Variants in FOXK1 observed in about 807,000 individuals in gnomAD.
FOXK1 encodes forkhead box K1.
In FOXK1, 19 loss-of-function variants were observed where a neutral mutation model predicts 51.9. That is an observed-to-expected ratio of 0.37 (90% CI 0.26 to 0.54). The LOEUF is 0.54. Ranked by LOEUF, FOXK1 falls within the 20% of genes least tolerant of loss-of-function variation. The pLI, the probability that FOXK1 is intolerant of heterozygous loss-of-function variation, is 0.87. For missense variants in FOXK1, 870 were observed against 1,032.7 expected, an observed-to-expected ratio of 0.84 and a Z score of 2.16; for synonymous variants, 537 against 482.6, an observed-to-expected ratio of 1.11 and a Z score of -1.48.
chr7:4,725,621 G>C (rs186912027), intron 1 of FOXK1, among the ~76,000 whole-genome samples: 2 of 152,280 alleles, frequency 1.3e-5, no homozygotes, highest in South Asian at 2.1e-4. Context: ...TGCTCCGGGC[G>C]TGTGGCTGTG....
intron 1 of FOXK1, among the ~76,000 whole-genome samples, chr7:4,739,372 C>T (rs559648203): frequency 1.3e-5 from 2 of 152,368 alleles, no homozygotes; most frequent in South Asian, 4.1e-4. Flanking sequence ...TTCCTTATCT[C>T]TGTGTGGGCA....
chr7:4,753,008 G>A lies in FOXK1; in HGVS notation c.747-1451G>A, dbSNP rs886411281. Among the ~76,000 whole-genome samples, 1 of 152,168 alleles carries A rather than the reference G, an allele frequency of 6.6e-6. No individual in the cohort carries two copies. The highest frequency in any genetic ancestry group is 1.9e-4 in the East Asian group (1 of 5,188). On this transcript the variant is annotated intron_variant, in intron 2 of 8. Coordinates refer to ENST00000328914, the MANE Select transcript of FOXK1 (RefSeq NM_001037165.2). The surrounding 1 kb of genome is among the most constrained non-coding windows in gnomAD (Gnocchi z 4.9). ...TTTCCTTTTGACTGTTTCCTACCTC[G>A]ATCGAGCCATTTGTGGGTGTTCATT... is the stretch of plus-strand genomic sequence containing the variant.
In FOXK1 at chr7:4,753,919, C is replaced by T. The variant is rs1412655012; in HGVS notation, c.747-540C>T. Among the ~76,000 whole-genome samples, 1 of 152,180 alleles carries T rather than the reference C, an allele frequency of 6.6e-6. No homozygotes were observed. Among genetic ancestry groups the T allele is most frequent in the Non-Finnish European group, 1.5e-5 (1 of 68,026 alleles). ...CTCAGGGCAAAACTGCAGGGGTCAT[C>T]TCTTCCCGAGGGCGGTGTCTCCAGG... On this transcript the variant is annotated intron_variant, in intron 2 of 8. Transcript: ENST00000328914. The surrounding 1 kb of genome is among the most constrained non-coding windows in gnomAD (Gnocchi z 4.9).
rs1294258094 is a variant in FOXK1 at position 4,715,660 on chromosome 7, T to G, written c.561-25178T>G. Among the ~76,000 whole-genome samples the G allele has an allele frequency of 6.6e-6, 1 of 152,210 alleles. No homozygotes were observed. The highest frequency in any genetic ancestry group is 2.4e-5 in the African/African-American group (1 of 41,450). On this transcript the variant is annotated intron_variant, in intron 1 of 8. Transcript: ENST00000328914. The surrounding 1 kb of genome is among the most constrained non-coding windows in gnomAD (Gnocchi z 4.5). ...CGGCCATCCCTTTTGTTCCCTGCTGTGACTGACTGGCAGGAACCTGGGCTT... is the reference window on the plus strand; with the variant it reads ...CGGCCATCCCTTTTGTTCCCTGCTGGGACTGACTGGCAGGAACCTGGGCTT...
In FOXK1 at chr7:4,755,308, G is replaced by A; in HGVS notation, c.975G>A (p.Gln325=). ...CCATCTCCTCCGCCCAGGACCGGCA[G>A]CTGACCCTGAGCGGGATCTACGCCC... ...VQAISSAQDR[Q]LTLSGIYAHI... Residue 325 remains glutamine (Q), a synonymous_variant, in exon 4 of 9, where the codon CAG becomes CAA. Transcript: ENST00000328914. The surrounding 1 kb of genome is among the most constrained non-coding windows in gnomAD (Gnocchi z 6.6). 6.2e-7 allele frequency: 1 copy of A among 1,613,956 alleles called. No individual in the cohort carries two copies. Among genetic ancestry groups the A allele is most frequent in the Non-Finnish European group, 8.5e-7 (1 of 1,180,048 alleles).
chr7:4,693,935 C>G (rs1056981695), intron 1 of FOXK1, among the ~76,000 whole-genome samples: 3 of 152,116 alleles, frequency 2.0e-5, no homozygotes, highest in Non-Finnish European at 2.9e-5. Context: ...GGCTGGAGTA[C>G]AGTGGCATGA....
intron 5 of FOXK1, among the ~76,000 whole-genome samples, chr7:4,757,813 C>T (rs1371720423): frequency 6.6e-6 from 1 of 152,076 alleles, no homozygotes; most frequent in Non-Finnish European, 1.5e-5. Flanking sequence ...CTATGAGGAA[C>T]TTGGGTAAGC....
At position 4,730,208 on chromosome 7, in the gene FOXK1, T is replaced by C. The variant is rs1780432290; in HGVS notation, c.561-10630T>C. Among the ~76,000 whole-genome samples, 1 of 152,328 alleles carries C rather than the reference T, an allele frequency of 6.6e-6. No individual in the cohort carries two copies. The highest frequency in any genetic ancestry group is 6.5e-5 in the Admixed American group (1 of 15,304). ...GGCCCTATGAACGCATAAGAACTTA[T>C]AAACACTAAAACTGCTACCGGGTTT... On this transcript the variant is annotated intron_variant, in intron 1 of 8. Coordinates refer to ENST00000328914, the MANE Select transcript of FOXK1 (RefSeq NM_001037165.2). The surrounding 1 kb of genome is among the most constrained non-coding windows in gnomAD (Gnocchi z 4.7).
In FOXK1 at chr7:4,734,200, T is replaced by C. The variant is rs1780521130; in HGVS notation, c.561-6638T>C. 6.6e-6 allele frequency among the ~76,000 whole-genome samples: 1 copy of C among 152,184 alleles called. No homozygotes were observed. The highest frequency in any genetic ancestry group is 2.4e-5 in the African/African-American group (1 of 41,458). ...CCAGAGCTCCTGAGAAGGAGCGGCT[T>C]GTGTGGGGTGACTCTATCTCAAGCC... is the stretch of plus-strand genomic sequence containing the variant. On this transcript the variant is annotated intron_variant, in intron 1 of 8. Coordinates refer to ENST00000328914, the MANE Select transcript of FOXK1 (RefSeq NM_001037165.2). The surrounding 1 kb of genome is among the most constrained non-coding windows in gnomAD (Gnocchi z 5.2).
At position 4,723,774 on chromosome 7, in the gene FOXK1, C is replaced by A. The variant is rs1780343647; in HGVS notation, c.561-17064C>A. Among the ~76,000 whole-genome samples, 1 of 151,790 alleles carries A rather than the reference C, an allele frequency of 6.6e-6. No homozygotes were observed. The highest frequency in any genetic ancestry group is 2.4e-5 in the African/African-American group (1 of 41,308). On this transcript the variant is annotated intron_variant, in intron 1 of 8. Coordinates refer to ENST00000328914, the MANE Select transcript of FOXK1 (RefSeq NM_001037165.2). The surrounding 1 kb of genome is among the most constrained non-coding windows in gnomAD (Gnocchi z 4.7). Reference sequence around the variant, plus strand: ...CCTCAACCTCCTGGGCTCAAGCAATCCTCCCGCCTCAGCCTCCCAAATAGC... The same window carrying A: ...CCTCAACCTCCTGGGCTCAAGCAATACTCCCGCCTCAGCCTCCCAAATAGC...
intron 1 of FOXK1, among the ~76,000 whole-genome samples, chr7:4,737,861 G>A (rs558262081): frequency 3.7e-4 from 57 of 152,282 alleles, no homozygotes; most frequent in African/African-American, 1.2e-3. Flanking sequence ...GGTGGCTCAC[G>A]CCTGTAATCC....
intron 1 of FOXK1, among the ~76,000 whole-genome samples, chr7:4,696,874 C>A (rs1007242509): frequency 6.6e-6 from 1 of 152,120 alleles, no homozygotes; most frequent in African/African-American, 2.4e-5. Context: ...TCGAGACCAG[C>A]CTGGCCAACA....
At chr7:4,726,102 C>G (rs543156301) in intron 1 of FOXK1, among the ~76,000 whole-genome samples, 1 of 151,886 alleles carries the variant, frequency 6.6e-6, no homozygotes, top group Non-Finnish European at 1.5e-5. Flanking sequence ...TGAGCTTTGC[C>G]GCTGTCTTCA....
intron 1 of FOXK1, among the ~76,000 whole-genome samples, chr7:4,706,959 G>C (rs942911249): frequency 3.3e-5 from 5 of 152,144 alleles, no homozygotes; most frequent in African/African-American, 1.2e-4. Context: ...TAGACTTCCG[G>C]GCCACTTCCC....
intron 1 of FOXK1, among the ~76,000 whole-genome samples, chr7:4,691,900 C>A (rs1291992363): frequency 1.3e-5 from 2 of 152,132 alleles, no homozygotes; most frequent in Non-Finnish European, 2.9e-5. Flanking sequence ...TCTCTTTGGG[C>A]AGAATGGCTG....
rs1424343390 is a variant in FOXK1 at position 4,733,716 on chromosome 7, A to G, written c.561-7122A>G. On this transcript the variant is annotated intron_variant, in intron 1 of 8. Transcript: ENST00000328914. This position sits in a 1 kb window ranked among gnomAD's most constrained non-coding sequence, Gnocchi z 5.0. ...CACATGGGAACTGCATCCTGCAGGT[A>G]TCGCTCGTGAAAACCGGCCTGGCGT... is the stretch of plus-strand genomic sequence containing the variant. Among the ~76,000 whole-genome samples, 1 of 152,240 alleles carries G rather than the reference A, an allele frequency of 6.6e-6. No individual in the cohort carries two copies. Among genetic ancestry groups the G allele is most frequent in the Non-Finnish European group, 1.5e-5 (1 of 68,040 alleles).
At chr7:4,716,165 G>A (rs777784572) in intron 1 of FOXK1, among the ~76,000 whole-genome samples, 1 of 151,658 alleles carries the variant, frequency 6.6e-6, no homozygotes, top group Non-Finnish European at 1.5e-5. Context: ...AGGCTACAGT[G>A]AGTTGAGATT....
intron 1 of FOXK1, among the ~76,000 whole-genome samples, chr7:4,695,631 G>A (rs1031109402): frequency 6.6e-6 from 1 of 151,968 alleles, no homozygotes; most frequent in South Asian, 2.1e-4. Flanking sequence ...GCGAAGCCCC[G>A]TCTCTACTAA....
chr7:4,685,867 C>A (rs188250721), intron 1 of FOXK1, among the ~76,000 whole-genome samples: 1 of 150,810 alleles, frequency 6.6e-6, no homozygotes. Context: ...CGCTTGAACC[C>A]GGGAGGTGGA....
Sources: allele counts gnomAD v4.1 joint callset (sites outside exome capture counted in the v4.1 genomes callset), GRCh38; gene constraint gnomAD v4.1.1; non-coding constraint Gnocchi (gnomAD v3.1); transcripts MANE v1.5; gene names NCBI Gene and HGNC (gene_info 2026-07-23, HGNC 2026-07-21).